SPATS2L: variants seen among roughly 807,000 people sequenced by gnomAD.
SPATS2L encodes the protein SPATS2-like protein.
SPATS2L carries 30 observed loss-of-function variants against 59.6 expected under a neutral mutation model. The observed-to-expected ratio is 0.50, with a 90% CI of 0.38 to 0.68. The LOEUF (loss-of-function observed/expected upper bound fraction) is 0.68. SPATS2L is among the 30% of genes least tolerant of loss of function. SPATS2L has a pLI of 0.00. For synonymous variants in SPATS2L, 252 were observed against 263.5 expected, an observed-to-expected ratio of 0.96 and a Z score of 0.42; for missense variants, 615 against 700.0, an observed-to-expected ratio of 0.88 and a Z score of 1.37.
chr2:200,441,521 A>G (rs1280726211), intron 8 of SPATS2L, among the ~76,000 whole-genome samples: 2 of 152,214 alleles, frequency 1.3e-5, no homozygotes, highest in African/African-American at 4.8e-5. Flanking sequence ...AGTTTCCTTC[A>G]GACAAATTTG....
intron 3 of SPATS2L, among the ~76,000 whole-genome samples, chr2:200,407,548 G>T (rs971224521): frequency 1.1e-4 from 16 of 152,038 alleles, no homozygotes; most frequent in Non-Finnish European, 1.9e-4. Flanking sequence ...ATTTAATGGG[G>T]GCTCAACCAA....
At chr2:200,399,622 G>A (rs1251459388) in intron 3 of SPATS2L, among the ~76,000 whole-genome samples, 2 of 152,036 alleles carry the variant, frequency 1.3e-5, no homozygotes, top group Non-Finnish European at 1.5e-5. Flanking sequence ...ACAAGATCTG[G>A]CCAATCAGAT....
chr2:200,330,069 C>T (rs1443069470), intron 2 of SPATS2L, among the ~76,000 whole-genome samples: 3 of 152,170 alleles, frequency 2.0e-5, no homozygotes, highest in African/African-American at 4.8e-5. Flanking sequence ...GTGCAGTCTT[C>T]GCATGTCACT....
chr2:200,443,969 C>T (rs113553112), intron 8 of SPATS2L, among the ~76,000 whole-genome samples: 20 of 152,174 alleles, frequency 1.3e-4, no homozygotes, highest in Non-Finnish European at 2.5e-4. Context: ...GATACAGTTA[C>T]GTAGGCTGCA....
chr2:200,406,840 A>G (rs2082703767), intron 3 of SPATS2L, among the ~76,000 whole-genome samples: 1 of 152,224 alleles, frequency 6.6e-6, no homozygotes, highest in African/African-American at 2.4e-5. Context: ...TAATTAAATG[A>G]AAGAAGAAGA....
chr2:200,308,655 T>C (rs1466908661), intron 1 of SPATS2L, among the ~76,000 whole-genome samples: 1 of 152,028 alleles, frequency 6.6e-6, no homozygotes, highest in African/African-American at 2.4e-5. Context: ...ACACACAAAC[T>C]AGAGACTAGC....
chr2:200,465,602 G>A (rs1292210580), intron 9 of SPATS2L, among the ~76,000 whole-genome samples: 5 of 152,178 alleles, frequency 3.3e-5, no homozygotes, highest in Admixed American at 2.6e-4. Flanking sequence ...CCAGCCACAT[G>A]GTATTGTAAA....
intron 8 of SPATS2L, among the ~76,000 whole-genome samples, chr2:200,449,079 T>G (rs1483700589): frequency 6.6e-6 from 1 of 152,250 alleles, no homozygotes; most frequent in Non-Finnish European, 1.5e-5. Flanking sequence ...TAGTGCAGTA[T>G]ATTTCAAATC....
intron 12 of SPATS2L, among the ~76,000 whole-genome samples, chr2:200,474,043 G>T (rs1243374239): frequency 6.6e-6 from 1 of 150,762 alleles, no homozygotes; most frequent in Non-Finnish European, 1.5e-5. Context: ...TGATATAGAA[G>T]TTGGGCATGC....
At chr2:200,336,398 A>G (rs1030066273) in intron 2 of SPATS2L, among the ~76,000 whole-genome samples, 2 of 152,204 alleles carry the variant, frequency 1.3e-5, no homozygotes. Context: ...TAATACATGT[A>G]TATGAATTTA....
intron 2 of SPATS2L, among the ~76,000 whole-genome samples, chr2:200,360,556 C>G (rs375963188): frequency 6.6e-6 from 1 of 152,148 alleles, no homozygotes; most frequent in East Asian, 1.9e-4. Context: ...AGGATCCTAT[C>G]GGAGTGGGGA....
At chr2:200,332,418 T>A (rs376690332) in intron 2 of SPATS2L, among the ~76,000 whole-genome samples, 2 of 152,136 alleles carry the variant, frequency 1.3e-5, no homozygotes, top group South Asian at 2.1e-4. Flanking sequence ...CTATTTTTTT[T>A]ATTTTTTATA....
intron 12 of SPATS2L, among the ~76,000 whole-genome samples, chr2:200,477,099 G>A (rs539481131): frequency 6.8e-4 from 104 of 152,164 alleles, no homozygotes; most frequent in Non-Finnish European, 1.3e-3. Context: ...TACAGGATAC[G>A]GGGTGGGGTA....
chr2:200,459,289 A>T (rs1425676039), intron 8 of SPATS2L, among the ~76,000 whole-genome samples: 1 of 152,212 alleles, frequency 6.6e-6, no homozygotes, highest in Non-Finnish European at 1.5e-5. Flanking sequence ...GGCCCAGACC[A>T]TATTTCTCAA....
At chr2:200,458,637 A>G (rs1304319951) in intron 8 of SPATS2L, among the ~76,000 whole-genome samples, 1 of 152,184 alleles carries the variant, frequency 6.6e-6, no homozygotes, top group Non-Finnish European at 1.5e-5. Flanking sequence ...ATGAGAAAAC[A>G]GATGAGAGGG....
intron 1 of SPATS2L, among the ~76,000 whole-genome samples, chr2:200,315,589 A>G (rs1016042058): frequency 6.6e-6 from 1 of 152,106 alleles, no homozygotes; most frequent in African/African-American, 2.4e-5. Flanking sequence ...AAATTAATGA[A>G]TCAACGAATC....
At position 200,440,629 on chromosome 2, in the gene SPATS2L, T is replaced by C; in HGVS notation, c.653-20T>C. ...GGATTAAATGCTCAAGTTAATAATA[T>C]TTTTTGACATCAATTTTAGGCCCAA... On this transcript the variant is annotated intron_variant, in intron 7 of 12. Coordinates refer to ENST00000409140, the MANE Select transcript of SPATS2L (RefSeq NM_001100423.2). The C allele has an allele frequency of 6.9e-6, 11 of 1,604,954 alleles. No homozygotes were observed. The highest frequency in any genetic ancestry group is 9.4e-6 in the Non-Finnish European group (11 of 1,173,784).
Position 200,439,304 on chromosome 2 carries a change from C to T in SPATS2L, c.628C>T (p.Pro210Ser). The T allele has an allele frequency of 1.2e-6, 2 of 1,613,340 alleles. No individual in the cohort carries two copies. Among genetic ancestry groups the T allele is most frequent in the Middle Eastern group, 1.7e-4 (1 of 6,056 alleles). ...NTPAAHLEIKPDELAKKRGPN... is the reference protein window; with the variant it reads ...NTPAAHLEIKSDELAKKRGPN... ...CCCTGCAGCTCATCTTGAAATAAAG[C>T]CAGATGAGTTGGCAAAGAAAAGAGG... The change falls in exon 7 of 13, where the codon CCA becomes TCA. Residue 210 changes from proline to serine, a missense_variant. This residue lies in a region of SPATS2L where 227 missense variants were observed against 257.4 expected (regional missense o/e 0.88). Coordinates refer to ENST00000409140, the MANE Select transcript of SPATS2L (RefSeq NM_001100423.2).
At chr2:200,360,860 T>C (rs1220151537) in intron 2 of SPATS2L, among the ~76,000 whole-genome samples, 2 of 152,106 alleles carry the variant, frequency 1.3e-5, no homozygotes, top group African/African-American at 4.8e-5. Flanking sequence ...AAGATGGATC[T>C]GTACTGAGGC....
Sources: allele counts gnomAD v4.1 joint callset (sites outside exome capture counted in the v4.1 genomes callset), GRCh38; gene constraint gnomAD v4.1.1; regional missense constraint gnomAD v4.1.1; transcripts MANE v1.5; gene names NCBI Gene and HGNC (gene_info 2026-07-23, HGNC 2026-07-21).